The following PRMT8 variants were observed in gnomAD, a reference collection of about 807,000 sequenced individuals.
PRMT8 encodes the protein protein arginine N-methyltransferase 8.
A neutral mutation model predicts 47.1 loss-of-function variants in PRMT8; 7 were observed. The observed-to-expected ratio is 0.15, with a 90% CI of 0.08 to 0.28. PRMT8 has a LOEUF of 0.28. Ranked by LOEUF, PRMT8 falls within the 10% of genes least tolerant of loss-of-function variation. The pLI is 1.00. For missense variants in PRMT8, 237 were observed against 505.4 expected (o/e 0.47, Z 5.09); for synonymous variants, 188 against 186.5 (o/e 1.01, Z -0.07).
chr12:3,536,608 C>T (rs1168593102), intron 1 of PRMT8, among the ~76,000 whole-genome samples: 1 of 152,338 alleles, frequency 6.6e-6, no homozygotes, highest in East Asian at 1.9e-4. Context: ...TTCATGCACA[C>T]AGCCTTCTTC....
At chr12:3,527,412 G>A (rs559642083) in intron 1 of PRMT8, among the ~76,000 whole-genome samples, 2 of 152,208 alleles carry the variant, frequency 1.3e-5, no homozygotes, top group East Asian at 3.9e-4. Flanking sequence ...GTGAGATGAT[G>A]CAAGATTTCA....
At chr12:3,473,479 G>A (rs557714172) in intron 1 of PRMT8, among the ~76,000 whole-genome samples, 1 of 152,188 alleles carries the variant, frequency 6.6e-6, no homozygotes, top group Admixed American at 6.5e-5. Context: ...CTCACTTAAA[G>A]ATCGGAGTTT....
intron 1 of PRMT8, among the ~76,000 whole-genome samples, chr12:3,392,358 C>T (rs1477019418): frequency 9.3e-6 from 1 of 107,582 alleles, no homozygotes; most frequent in Non-Finnish European, 1.8e-5. Context: ...CTATCCCTCC[C>T]CCCTCCCCCC....
intron 1 of PRMT8, chr12:3,469,037 G>A (rs887078763): frequency 1.1e-4 from 45 of 427,372 alleles, no homozygotes; most frequent in Admixed American, 7.5e-4. Flanking sequence ...TGCACAATGC[G>A]TGCCTGACAA....
At chr12:3,397,930 C>G (rs529079877) in intron 1 of PRMT8, among the ~76,000 whole-genome samples, 1 of 152,166 alleles carries the variant, frequency 6.6e-6, no homozygotes, top group African/African-American at 2.4e-5. Context: ...GTTTTTTAAG[C>G]CCGTCGGAAA....
chr12:3,507,021 G>A (rs1015998931), intron 1 of PRMT8, among the ~76,000 whole-genome samples: 1 of 152,188 alleles, frequency 6.6e-6, no homozygotes, highest in African/African-American at 2.4e-5. Flanking sequence ...GCCACTATAA[G>A]GGGAAGGGCT....
intron 1 of PRMT8, among the ~76,000 whole-genome samples, chr12:3,472,766 G>A (rs955854721): frequency 6.6e-6 from 1 of 152,124 alleles, no homozygotes; most frequent in Non-Finnish European, 1.5e-5. Flanking sequence ...GGTGGAGAGA[G>A]GGAAATGAAT....
intron 1 of PRMT8, among the ~76,000 whole-genome samples, chr12:3,477,660 A>G (rs1310936876): frequency 1.3e-5 from 2 of 152,198 alleles, no homozygotes; most frequent in Non-Finnish European, 2.9e-5. Flanking sequence ...CCTTCCTTGA[A>G]TATCTCTCAA....
intron 1 of PRMT8, among the ~76,000 whole-genome samples, chr12:3,402,791 C>G (rs1864331126): frequency 6.6e-6 from 1 of 152,084 alleles, no homozygotes; most frequent in Non-Finnish European, 1.5e-5. Context: ...CCAGTCAGAA[C>G]AGCTCTTATT....
At chr12:3,395,341 G>A (rs1215501532) in intron 1 of PRMT8, among the ~76,000 whole-genome samples, 8 of 149,668 alleles carry the variant, frequency 5.3e-5, no homozygotes, top group Non-Finnish European at 7.5e-5. Flanking sequence ...TTTCTCTTGT[G>A]GGCATTTAGT....
At chr12:3,586,720 C>T (rs1013198460) in intron 8 of PRMT8, among the ~76,000 whole-genome samples, 2 of 152,222 alleles carry the variant, frequency 1.3e-5, no homozygotes, top group African/African-American at 4.8e-5. Context: ...GCTTAAGGAC[C>T]ACTGCCTCTG....
chr12:3,440,246 G>T (rs1043878904), intron 1 of PRMT8, among the ~76,000 whole-genome samples: 1 of 152,124 alleles, frequency 6.6e-6, no homozygotes, highest in East Asian at 1.9e-4. Flanking sequence ...GGATCATGAG[G>T]TCAGGAGATC....
intron 1 of PRMT8, among the ~76,000 whole-genome samples, chr12:3,470,344 G>A (rs1565415819): frequency 1.3e-5 from 2 of 152,156 alleles, no homozygotes; most frequent in African/African-American, 4.8e-5. Context: ...TTTTTCCATA[G>A]GACTCAATGT....
chr12:3,589,210 T>G (rs1867246452), intron 8 of PRMT8, among the ~76,000 whole-genome samples: 1 of 152,170 alleles, frequency 6.6e-6, no homozygotes, highest in African/African-American at 2.4e-5. Flanking sequence ...AAGGGAGACC[T>G]ATTAATCATT....
intron 1 of PRMT8, among the ~76,000 whole-genome samples, chr12:3,412,623 T>C (rs1864442775): frequency 6.6e-6 from 1 of 152,172 alleles, no homozygotes; most frequent in Non-Finnish European, 1.5e-5. Context: ...TTCTCTCTCT[T>C]TTTTTTACTT....
In PRMT8 at chr12:3,496,214, A is replaced by ATATATATATATTTT; in HGVS notation, c.75+4515_75+4516insATATATATATTTTT. 2.5e-4 allele frequency among the ~76,000 whole-genome samples: 7 copies of ATATATATATATTTT among 27,772 alleles called. 1 individual carries two copies. The highest frequency in any genetic ancestry group is 3.2e-4 in the Non-Finnish European group (4 of 12,632). 18.2% of individuals were successfully genotyped at this position (27,772 alleles called of 152,430 possible). The stretch of plus-strand genomic sequence containing the variant: ...TTTGGAAACTGATATATATATATAT[A>ATATATATATATTTT]TTTTTTTTTTTTTTTTTTTTTTTTT... On this transcript the variant is annotated intron_variant, in intron 1 of 9. Coordinates refer to ENST00000382622, the MANE Select transcript of PRMT8 (RefSeq NM_019854.5).
At chr12:3,554,370 A>C (rs1435290801) in intron 4 of PRMT8, among the ~76,000 whole-genome samples, 2 of 152,208 alleles carry the variant, frequency 1.3e-5, no homozygotes, top group Admixed American at 1.3e-4. Flanking sequence ...TGCATCTGAC[A>C]GCAGGATTAG....
chr12:3,418,003 A>G (rs186804067), intron 1 of PRMT8, among the ~76,000 whole-genome samples: 38 of 152,338 alleles, frequency 2.5e-4, no homozygotes, highest in Non-Finnish European at 1.2e-4. Context: ...AAAAATGGTC[A>G]TACCTACTTC....
At chr12:3,398,255 A>G (rs1222630261) in intron 1 of PRMT8, among the ~76,000 whole-genome samples, 2 of 152,094 alleles carry the variant, frequency 1.3e-5, no homozygotes, top group Non-Finnish European at 2.9e-5. Flanking sequence ...TTTATACTGC[A>G]GGTAATGGGG....
Sources: allele counts gnomAD v4.1 joint callset (sites outside exome capture counted in the v4.1 genomes callset), GRCh38; gene constraint gnomAD v4.1.1; transcripts MANE v1.5; gene names NCBI Gene and HGNC (gene_info 2026-07-23, HGNC 2026-07-21).